Variants in PTPRD observed in about 807,000 individuals in gnomAD.
PTPRD encodes receptor-type tyrosine-protein phosphatase delta.
Under a neutral mutation model 214.5 loss-of-function variants are expected in PTPRD, and 34 were observed. That is an observed-to-expected ratio of 0.16 (90% confidence interval 0.12 to 0.21). The LOEUF is 0.21. PTPRD is among the 10% of genes least tolerant of loss of function. The pLI, the probability that PTPRD is intolerant of heterozygous loss-of-function variation, is 1.00. For missense variants in PTPRD, 2,545 were observed against 2,398.7 expected, an observed-to-expected ratio of 1.06 and a Z score of -1.27; for synonymous variants, 1,128 against 845.7, an observed-to-expected ratio of 1.33 and a Z score of -5.79.
intron 6 of PTPRD, among the ~76,000 whole-genome samples, chr9:9,745,315 A>T (rs1414799990): frequency 6.6e-6 from 1 of 152,118 alleles, no homozygotes; most frequent in Non-Finnish European, 1.5e-5. Context: ...ATTTTCAAGG[A>T]AAAATTCAGT....
intron 3 of PTPRD, among the ~76,000 whole-genome samples, chr9:10,096,752 C>G (rs1172752123): frequency 6.6e-6 from 1 of 151,954 alleles, no homozygotes; most frequent in Admixed American, 6.6e-5. Flanking sequence ...AATTAGATCC[C>G]ATTTATCAAT....
intron 12 of PTPRD, among the ~76,000 whole-genome samples, chr9:8,699,400 T>C (rs1212934486): frequency 6.6e-6 from 1 of 152,180 alleles, no homozygotes; most frequent in East Asian, 1.9e-4. Context: ...TGTAAATACA[T>C]GGTATTTTTC....
chr9:9,935,759 C>A lies in PTPRD; in HGVS notation c.-368+2748G>T, dbSNP rs1027579192. ...TTCATATGGAACCAAAAAAAAAGCC[C>A]GCATTGCCAAGTCAATCCTAAGCCA... On this transcript the variant is annotated intron_variant, in intron 5 of 45. Transcript: ENST00000381196. Among the ~76,000 whole-genome samples the A allele has an allele frequency of 2.7e-5, 4 of 148,332 alleles. No homozygotes were observed. In the East Asian group the frequency reaches 7.8e-4, roughly 29 times the overall value.
At chr9:9,582,574 G>T (rs572622987) in intron 7 of PTPRD, among the ~76,000 whole-genome samples, 1 of 152,150 alleles carries the variant, frequency 6.6e-6, no homozygotes, top group East Asian at 1.9e-4. Flanking sequence ...AATAAAACGT[G>T]GGAGGAATGG....
At chr9:10,019,568 A>G (rs1337755603) in intron 4 of PTPRD, among the ~76,000 whole-genome samples, 2 of 152,240 alleles carry the variant, frequency 1.3e-5, no homozygotes, top group African/African-American at 4.8e-5. Context: ...AAAATGTGGC[A>G]CATATACACC....
chr9:9,625,998 A>G (rs943256552), intron 7 of PTPRD, among the ~76,000 whole-genome samples: 5 of 152,198 alleles, frequency 3.3e-5, no homozygotes, highest in African/African-American at 1.2e-4. Context: ...TTGTAGCACA[A>G]AAAAACAGCA....
intron 2 of PTPRD, among the ~76,000 whole-genome samples, chr9:10,406,698 A>T (rs2154501753): frequency 6.6e-6 from 1 of 151,738 alleles, no homozygotes; most frequent in African/African-American, 2.4e-5. Flanking sequence ...TGTGTATATC[A>T]ATTTTCTCTA....
chr9:10,543,413 TGTGA>T (rs2059543144), intron 2 of PTPRD, among the ~76,000 whole-genome samples: 1 of 151,976 alleles, frequency 6.6e-6, no homozygotes, highest in Non-Finnish European at 1.5e-5. Context: ...AGAATTTGTG[TGTGA>T]GTAAAATATA....
At chr9:9,871,488 A>C (rs1432316156) in intron 5 of PTPRD, among the ~76,000 whole-genome samples, 1 of 152,198 alleles carries the variant, frequency 6.6e-6, no homozygotes, top group Non-Finnish European at 1.5e-5. Flanking sequence ...GAGAGATTGG[A>C]TTCAGGGGAG....
At chr9:9,675,184 C>T (rs1272871763) in intron 7 of PTPRD, among the ~76,000 whole-genome samples, 1 of 151,854 alleles carries the variant, frequency 6.6e-6, no homozygotes, top group Non-Finnish European at 1.5e-5. Context: ...TTAAATACTC[C>T]AAAGTATCTC....
chr9:9,985,235 C>T (rs942184545), intron 4 of PTPRD, among the ~76,000 whole-genome samples: 2 of 152,264 alleles, frequency 1.3e-5, no homozygotes, highest in Non-Finnish European at 2.9e-5. Flanking sequence ...TCCTCTTGTG[C>T]GTACTTTTCC....
chr9:10,334,730 G>A (rs1461463092), intron 3 of PTPRD, among the ~76,000 whole-genome samples: 1 of 151,236 alleles, frequency 6.6e-6, no homozygotes, highest in African/African-American at 2.4e-5. Flanking sequence ...CAGCACACAA[G>A]GTCAACAAAG....
intron 11 of PTPRD, among the ~76,000 whole-genome samples, chr9:8,923,819 G>A (rs10119762): frequency 0.043 from 6,617 of 152,178 alleles, 461 homozygotes; most frequent in African/African-American, 0.15. Flanking sequence ...AACACACCTC[G>A]AGTGTAATGG....
chr9:10,462,195 C>T (rs1020847083), intron 2 of PTPRD, among the ~76,000 whole-genome samples: 2 of 151,962 alleles, frequency 1.3e-5, no homozygotes, highest in Non-Finnish European at 2.9e-5. Context: ...AATATGTGAG[C>T]TGACAGTACA....
At chr9:8,780,428 G>T (rs2095649571) in intron 11 of PTPRD, among the ~76,000 whole-genome samples, 1 of 152,144 alleles carries the variant, frequency 6.6e-6, no homozygotes, top group Non-Finnish European at 1.5e-5. Flanking sequence ...CTAGACTCAG[G>T]TTTCTAATTT....
chr9:8,358,895 C>T (rs1407117546), intron 39 of PTPRD, among the ~76,000 whole-genome samples: 3 of 151,434 alleles, frequency 2.0e-5, no homozygotes, highest in African/African-American at 7.3e-5. Context: ...ATCACGAGGT[C>T]AGGAGATCGA....
chr9:10,599,456 G>A (rs2077443363), intron 2 of PTPRD, among the ~76,000 whole-genome samples: 1 of 151,590 alleles, frequency 6.6e-6, no homozygotes, highest in South Asian at 2.1e-4. Flanking sequence ...GTAGCATATG[G>A]GTTAACAAAT....
At position 10,421,085 on chromosome 9, in the gene PTPRD, C is replaced by CA. The variant is rs559075463; in HGVS notation, c.-599-80069dup. Among the ~76,000 whole-genome samples, 18 of 151,776 alleles carry CA rather than the reference C, an allele frequency of 1.2e-4. No homozygotes were observed. In the South Asian group the frequency reaches 3.5e-3, roughly 30 times the overall value. On this transcript the variant is annotated intron_variant, in intron 2 of 45. Transcript: ENST00000381196. ...GCTGATTAGCTTAAAAAAAGAAAAG[C>CA]AAAAAAATCTCATAATGTCTTAAGA...
At chr9:8,840,582 T>C (rs1265412916) in intron 11 of PTPRD, among the ~76,000 whole-genome samples, 2 of 152,236 alleles carry the variant, frequency 1.3e-5, no homozygotes, top group Non-Finnish European at 2.9e-5. Context: ...CTATCTCTTC[T>C]TACTCCACCA....
Sources: allele counts gnomAD v4.1 joint callset (sites outside exome capture counted in the v4.1 genomes callset), GRCh38; gene constraint gnomAD v4.1.1; transcripts MANE v1.5; gene names NCBI Gene and HGNC (gene_info 2026-07-23, HGNC 2026-07-21).